Variants in TENM4 observed in about 807,000 individuals in gnomAD.
TENM4 encodes the protein teneurin-4.
Under a neutral mutation model 243.3 loss-of-function variants are expected in TENM4, and 82 were observed. That is an observed-to-expected ratio of 0.34 (90% CI 0.28 to 0.40). The LOEUF is 0.40. Among genes scored for constraint, TENM4 ranks in the 10% least tolerant of loss-of-function variants. TENM4 has a pLI of 1.00. For synonymous variants in TENM4, 1,412 were observed against 1,456.3 expected (o/e 0.97, Z 0.69); for missense variants, 3,138 against 3,673.3 (o/e 0.85, Z 3.77).
At chr11:78,894,675 G>A (rs1283592628) in intron 7 of TENM4, among the ~76,000 whole-genome samples, 1 of 152,110 alleles carries the variant, frequency 6.6e-6, no homozygotes, top group African/African-American at 2.4e-5. Flanking sequence ...CTGGAATTTG[G>A]AGAGACATGA....
chr11:79,124,967 C>T (rs574902023), intron 4 of TENM4, among the ~76,000 whole-genome samples: 2 of 148,416 alleles, frequency 1.3e-5, no homozygotes, highest in South Asian at 4.3e-4. Flanking sequence ...CTAGAAAACC[C>T]TAATACAGAT....
chr11:79,223,434 CT>C (rs1284424628), intron 2 of TENM4, among the ~76,000 whole-genome samples: 5 of 152,270 alleles, frequency 3.3e-5, no homozygotes, highest in African/African-American at 1.2e-4. Context: ...AACACTAAGT[CT>C]AGTTCTCAAC....
At chr11:79,144,357 G>A (rs1862352476) in intron 4 of TENM4, among the ~76,000 whole-genome samples, 1 of 151,974 alleles carries the variant, frequency 6.6e-6, no homozygotes, top group East Asian at 1.9e-4. Flanking sequence ...AACCGCTATG[G>A]AGAACAGTTT....
intron 25 of TENM4, among the ~76,000 whole-genome samples, chr11:78,716,647 A>G (rs1565346537): frequency 1.3e-5 from 2 of 152,236 alleles, no homozygotes; most frequent in Non-Finnish European, 2.9e-5. Flanking sequence ...AGCCCTACCC[A>G]TAATGATTGA....
intron 6 of TENM4, among the ~76,000 whole-genome samples, chr11:78,959,672 G>A (rs556677295): frequency 6.6e-6 from 1 of 152,192 alleles, no homozygotes; most frequent in Non-Finnish European, 1.5e-5. Flanking sequence ...GCCTGGGGAA[G>A]GGATCCAAAG....
At chr11:79,257,929 C>T (rs1038891383) in intron 2 of TENM4, among the ~76,000 whole-genome samples, 4 of 152,214 alleles carry the variant, frequency 2.6e-5, no homozygotes, top group Non-Finnish European at 5.9e-5. Flanking sequence ...AATCCACCAG[C>T]ACCATGGTGA....
At chr11:79,206,489 T>G (rs1314857564) in intron 3 of TENM4, among the ~76,000 whole-genome samples, 1 of 152,160 alleles carries the variant, frequency 6.6e-6, no homozygotes, top group Non-Finnish European at 1.5e-5. Context: ...TGGCTTCCCA[T>G]GTACTTCTTA....
intron 9 of TENM4, among the ~76,000 whole-genome samples, chr11:78,880,386 T>C (rs1191586161): frequency 6.8e-6 from 1 of 148,032 alleles, no homozygotes; most frequent in African/African-American, 2.6e-5. Context: ...GCTGACCTTC[T>C]CTCCACTATT....
chr11:79,200,129 T>C (rs1863709934), intron 3 of TENM4, among the ~76,000 whole-genome samples: 1 of 152,222 alleles, frequency 6.6e-6, no homozygotes, highest in African/African-American at 2.4e-5. Flanking sequence ...TTCTGCCCTC[T>C]AAAAATAGCA....
Position 78,738,453 on chromosome 11 carries a change from G to C in TENM4, c.2874C>G (p.Gly958=). 1 of 1,613,462 alleles carries C rather than the reference G, an allele frequency of 6.2e-7. No individual in the cohort carries two copies. Among genetic ancestry groups the C allele is most frequent in the South Asian group, 1.1e-5 (1 of 90,878 alleles). ...LFGYTISRQD[G]SFDLVTNGGI... is the part of the protein sequence containing the mutation. ...CTGGCTCATAGAAGGTCTCCTACCT[G>C]CCATCTTGCCTGCTGATTGTATATC... The change falls in exon 20 of 34, where the codon GGC becomes GGG. Residue 958 remains glycine (G), a splice_region_variant and synonymous_variant. Coordinates refer to ENST00000278550, the MANE Select transcript of TENM4 (RefSeq NM_001098816.3).
intron 1 of TENM4, among the ~76,000 whole-genome samples, chr11:79,333,836 C>T (rs181236197): frequency 4.7e-4 from 71 of 152,332 alleles, no homozygotes; most frequent in African/African-American, 5.1e-4. Context: ...GACTTGTCTA[C>T]GATCATCTAG....
intron 1 of TENM4, among the ~76,000 whole-genome samples, chr11:79,429,086 C>CA: frequency 6.6e-6 from 1 of 152,096 alleles, no homozygotes; most frequent in Non-Finnish European, 1.5e-5. Context: ...GACAGCAGCT[C>CA]AGAGAAACAG....
rs947277837 is a variant in TENM4 at position 79,069,905 on chromosome 11, G to A, written c.40C>T (p.Arg14Trp). The A allele has an allele frequency of 1.3e-6, 2 of 1,547,732 alleles. No individual in the cohort carries two copies. Among genetic ancestry groups the A allele is most frequent in the South Asian group, 1.2e-5 (1 of 83,946 alleles). The part of the protein sequence containing the change: ...KERKPYRSLT[R>W]RRDAERRYTS... ...TAGCGGCGCTCGGCGTCGCGGCGCC[G>A]GGTCAGCGAGCGGTAAGGCTTCCTC... Residue 14 changes from arginine (R) to tryptophan (W), a missense_variant, in exon 5 of 34, where the codon CGG becomes TGG. Arg to Trp is a moderately radical substitution (Grantham distance 101, BLOSUM62 -3). This residue lies in a region of TENM4 where 671 missense variants were observed against 614.1 expected (regional missense o/e 1.09). Coordinates refer to ENST00000278550, the MANE Select transcript of TENM4 (RefSeq NM_001098816.3).
intron 2 of TENM4, among the ~76,000 whole-genome samples, chr11:79,254,276 G>A (rs752628530): frequency 6.6e-6 from 1 of 152,194 alleles, no homozygotes; most frequent in Non-Finnish European, 1.5e-5. Context: ...CAGAGACTGA[G>A]GTAAACGATG....
intron 6 of TENM4, among the ~76,000 whole-genome samples, chr11:78,952,186 C>T (rs1429894928): frequency 1.3e-5 from 2 of 152,200 alleles, no homozygotes; most frequent in East Asian, 1.9e-4. Flanking sequence ...GGTCAACAAG[C>T]CTCATTTTTC....
At position 79,201,307 on chromosome 11, in the gene TENM4, T is replaced by G. The variant is rs191311318; in HGVS notation, c.-163+14501A>C. 1.9e-3 allele frequency among the ~76,000 whole-genome samples: 286 copies of G among 152,284 alleles called. 1 individual carries two copies. Among genetic ancestry groups the G allele is most frequent in the Non-Finnish European group, 2.3e-3 (158 of 68,016 alleles). ...GAACCACAGAAATAGCCACCTGCCT[T>G]GCTTTCCTCATGGGATTCTAGTGAT... On this transcript the variant is annotated intron_variant, in intron 3 of 33. Coordinates refer to ENST00000278550, the MANE Select transcript of TENM4 (RefSeq NM_001098816.3).
intron 3 of TENM4, among the ~76,000 whole-genome samples, chr11:79,194,678 C>CTA (rs1863584644): frequency 6.6e-6 from 1 of 152,114 alleles, no homozygotes; most frequent in Admixed American, 6.5e-5. Context: ...GCAAAGCATT[C>CTA]AAGAGGTGAC....
chr11:79,113,002 T>G (rs1565208862), intron 4 of TENM4, among the ~76,000 whole-genome samples: 1 of 152,184 alleles, frequency 6.6e-6, no homozygotes, highest in Non-Finnish European at 1.5e-5. Flanking sequence ...ATGGGAATTC[T>G]TACACCCTTG....
chr11:79,281,351 G>C (rs1590848373), intron 2 of TENM4, among the ~76,000 whole-genome samples: 1 of 152,310 alleles, frequency 6.6e-6, no homozygotes, highest in African/African-American at 2.4e-5. Flanking sequence ...TTTGAACCCA[G>C]GTCTGTGTAG....
Sources: allele counts gnomAD v4.1 joint callset (sites outside exome capture counted in the v4.1 genomes callset), GRCh38; gene constraint gnomAD v4.1.1; regional missense constraint gnomAD v4.1.1; transcripts MANE v1.5; gene names NCBI Gene and HGNC (gene_info 2026-07-23, HGNC 2026-07-21).